CACNB2: variants seen among roughly 807,000 people sequenced by gnomAD.
The protein encoded by CACNB2 is voltage-dependent L-type calcium channel subunit beta-2.
A neutral mutation model predicts 73.3 loss-of-function variants in CACNB2; 42 were observed. The ratio of observed to expected loss-of-function variants is 0.57; its 90% CI spans 0.45 to 0.74. CACNB2 has a LOEUF of 0.74. Ranked by LOEUF, CACNB2 falls within the 30% of genes least tolerant of loss-of-function variation. The pLI is 0.00. For synonymous variants in CACNB2, 348 were observed against 310.3 expected (o/e 1.12, Z -1.28); for missense variants, 940 against 853.0 (o/e 1.10, Z -1.27).
chr10:18,399,998 A>G (rs2043908696), intron 2 of CACNB2, among the ~76,000 whole-genome samples: 1 of 152,222 alleles, frequency 6.6e-6, no homozygotes, highest in South Asian at 2.1e-4. Context: ...CCTTGTAAGT[A>G]TGGTTATAAC....
At chr10:18,329,800 CTATTA>C (rs1228318666) in intron 2 of CACNB2, among the ~76,000 whole-genome samples, 5 of 151,982 alleles carry the variant, frequency 3.3e-5, no homozygotes, top group Non-Finnish European at 7.4e-5. Context: ...TTATTTTATG[CTATTA>C]TATTTATAGA....
intron 3 of CACNB2, among the ~76,000 whole-genome samples, chr10:18,422,044 T>G (rs536651456): frequency 1.3e-5 from 2 of 152,358 alleles, no homozygotes; most frequent in Admixed American, 1.3e-4. Flanking sequence ...TGTCAGTGAT[T>G]AGCGATTTTG....
intron 3 of CACNB2, among the ~76,000 whole-genome samples, chr10:18,479,791 G>A (rs1408291241): frequency 6.6e-6 from 1 of 152,126 alleles, no homozygotes; most frequent in African/African-American, 2.4e-5. Context: ...GTTTCCTGAG[G>A]CCTCCTGTTA....
intron 2 of CACNB2, among the ~76,000 whole-genome samples, chr10:18,155,396 GT>G (rs2031959325): frequency 6.6e-6 from 1 of 152,164 alleles, no homozygotes; most frequent in Non-Finnish European, 1.5e-5. Context: ...GTTGATTTTG[GT>G]TTGTTGGTGT....
intron 2 of CACNB2, among the ~76,000 whole-genome samples, chr10:18,214,147 A>AACTGTATGGCGTGGCAACAGCTGGTCGG (rs2035423197): frequency 1.9e-5 from 2 of 104,630 alleles, no homozygotes; most frequent in South Asian, 3.1e-4. Context: ...TAGAAGTATA[A>AACTGTATGGCGTGGCAACAGCTGGTCGG]GTTCTTCTGA....
intron 6 of CACNB2, among the ~76,000 whole-genome samples, chr10:18,512,054 G>A (rs950207580): frequency 6.6e-6 from 1 of 152,178 alleles, no homozygotes; most frequent in Non-Finnish European, 1.5e-5. Context: ...ATTGCATGTG[G>A]AAGGATTTTG....
chr10:18,437,889 TAGAA>T (rs761503824), intron 3 of CACNB2, among the ~76,000 whole-genome samples: 1 of 151,626 alleles, frequency 6.6e-6, no homozygotes, highest in Non-Finnish European at 1.5e-5. Flanking sequence ...CAAATTGACA[TAGAA>T]CATGGAAATG....
rs2053587888 is a variant in CACNB2 at position 18,536,275 on chromosome 10, G to GTTT, written c.1302+79_1302+80insTTT. On this transcript the variant is annotated intron_variant, in intron 12 of 13. Coordinates refer to ENST00000324631, the MANE Select transcript of CACNB2 (RefSeq NM_201596.3). The stretch of plus-strand genomic sequence containing the variant: ...TTTTTTTTTTTTTTTTTTTTTTTTG[G>GTTT]GGGACAAGGTCTTGCTCTGTTGCCC... The GTTT allele has an allele frequency of 4.5e-3, 416 of 92,448 alleles. 88 individuals carry two copies. Among genetic ancestry groups the GTTT allele is most frequent in the African/African-American group, 0.018 (182 of 10,138 alleles). The allele number at this position is 92,448 out of a possible 1,614,324, so 5.7% of individuals were successfully genotyped here.
In CACNB2 at chr10:18,514,626, A is replaced by G. The variant is rs528299819; in HGVS notation, c.804+257A>G. ...ATTAAATACAATCATTTCTGTCCCAAGCAAAGAACCTATCAACAGCTAATT... is the reference window on the plus strand; with the variant it reads ...ATTAAATACAATCATTTCTGTCCCAGGCAAAGAACCTATCAACAGCTAATT... On this transcript the variant is annotated intron_variant, in intron 7 of 13. Coordinates refer to ENST00000324631, the MANE Select transcript of CACNB2 (RefSeq NM_201596.3). 13 of 1,440,270 alleles carry G rather than the reference A, an allele frequency of 9.0e-6. No individual in the cohort carries two copies. In the South Asian group the frequency reaches 1.5e-4, roughly 16 times the overall value. 89.2% of individuals were successfully genotyped at this position (1,440,270 alleles called of 1,614,324 possible).
At chr10:18,186,957 T>C (rs2034182477) in intron 2 of CACNB2, among the ~76,000 whole-genome samples, 1 of 152,198 alleles carries the variant, frequency 6.6e-6, no homozygotes, top group South Asian at 2.1e-4. Flanking sequence ...TCTGCTTCCA[T>C]GGAGCTTATG....
At chr10:18,185,319 C>T (rs2034099821) in intron 2 of CACNB2, among the ~76,000 whole-genome samples, 1 of 152,096 alleles carries the variant, frequency 6.6e-6, no homozygotes, top group South Asian at 2.1e-4. Context: ...TTCTGTTCAA[C>T]CTAAAATTTA....
At chr10:18,340,149 T>C (rs1439205877) in intron 2 of CACNB2, among the ~76,000 whole-genome samples, 2 of 152,198 alleles carry the variant, frequency 1.3e-5, no homozygotes, top group African/African-American at 2.4e-5. Flanking sequence ...GAGTTCTATT[T>C]CCTGGATAGT....
At chr10:18,504,312 G>A (rs2050370460) in intron 5 of CACNB2, among the ~76,000 whole-genome samples, 1 of 152,232 alleles carries the variant, frequency 6.6e-6, no homozygotes, top group South Asian at 2.1e-4. Flanking sequence ...CCTCCACGCT[G>A]TACAGACTTC....
intron 2 of CACNB2, among the ~76,000 whole-genome samples, chr10:18,165,944 T>C (rs552718845): frequency 1.3e-5 from 2 of 152,202 alleles, no homozygotes; most frequent in Non-Finnish European, 2.9e-5. Flanking sequence ...GGGTCCAAAA[T>C]ATTGTGTTCA....
rs79914627 is a variant in CACNB2, at chr10:18,267,717, A to C, written c.213+116742A>C. On this transcript the variant is annotated intron_variant, in intron 2 of 13. Coordinates refer to ENST00000324631, the MANE Select transcript of CACNB2 (RefSeq NM_201596.3). ...AGTTGGTGGTTGGCAACCTCTGGGC[A>C]TGTGTAGAGAATGAGCTTGTTGGTG... Among the ~76,000 whole-genome samples, 1,199 of 152,374 alleles carry C rather than the reference A, an allele frequency of 7.9e-3. 14 individuals are homozygous for C. Among genetic ancestry groups the C allele is most frequent in the African/African-American group, 0.026 (1,093 of 41,590 alleles).
At chr10:18,276,230 A>G (rs1204835172) in intron 2 of CACNB2, among the ~76,000 whole-genome samples, 2 of 152,232 alleles carry the variant, frequency 1.3e-5, no homozygotes, top group African/African-American at 4.8e-5. Context: ...TGAAACCAGA[A>G]TAAGCAACGT....
At chr10:18,198,473 C>T (rs895631275) in intron 2 of CACNB2, among the ~76,000 whole-genome samples, 1 of 152,050 alleles carries the variant, frequency 6.6e-6, no homozygotes, top group Non-Finnish European at 1.5e-5. Context: ...TTTGGGCATG[C>T]CTTGTTCTGT....
chr10:18,242,353 A>G (rs1405511193), intron 2 of CACNB2, among the ~76,000 whole-genome samples: 1 of 152,236 alleles, frequency 6.6e-6, no homozygotes, highest in Admixed American at 6.5e-5. Context: ...AATGGAATAT[A>G]CTTGAGTAGA....
At chr10:18,515,999 G>A (rs1183996033) in intron 7 of CACNB2, among the ~76,000 whole-genome samples, 1 of 152,080 alleles carries the variant, frequency 6.6e-6, no homozygotes, top group Non-Finnish European at 1.5e-5. Context: ...CATCACCTGT[G>A]GTCAGGAGTT....
Sources: gnomAD v4.1 joint callset for allele counts (sites outside exome capture counted in the v4.1 genomes callset) on GRCh38, gnomAD v4.1.1 for gene constraint, MANE v1.5 for transcripts, NCBI Gene and HGNC (gene_info 2026-07-23, HGNC 2026-07-21) for gene names.